Variants in LIM2 observed in about 807,000 individuals in gnomAD.
LIM2 encodes lens intrinsic membrane protein 2.
In LIM2, 14 loss-of-function variants were observed where a neutral mutation model predicts 19.0. The ratio of observed to expected loss-of-function variants is 0.74; its 90% confidence interval spans 0.49 to 1.15. The LOEUF is 1.15. Ranked by LOEUF, LIM2 falls within the 50% of genes most tolerant of loss-of-function variation. The probability of loss-of-function intolerance (pLI) is 0.00; values close to 1 mark genes in which losing one functional copy is unlikely to be tolerated. For synonymous variants in LIM2, 78 were observed against 89.6 expected (o/e 0.87, Z 0.73); for missense variants, 230 against 243.5 (o/e 0.94, Z 0.37).
At position 51,380,070 on chromosome 19, in the gene LIM2, C is replaced by G. The variant is rs79550290; in HGVS notation, c.*131G>C. ...CTAGGACCAGGAGTCAGCCTCCCCC[C>G]ACAAACCCACAGTCCAGAACTGAGC... On this transcript the variant is annotated 3_prime_UTR_variant, in exon 5 of 5. Transcript: ENST00000596399. 5.4e-5 allele frequency: 46 copies of G among 858,556 alleles called. No homozygotes were observed. Among genetic ancestry groups the G allele is most frequent in the Non-Finnish European group, 7.1e-5 (37 of 521,172 alleles). 53.2% of individuals were successfully genotyped at this position (858,556 alleles called of 1,614,324 possible).
At chr19:51,384,640 G>C (rs777525832) in intron 2 of LIM2, among the ~76,000 whole-genome samples, 1 of 152,152 alleles carries the variant, frequency 6.6e-6, no homozygotes, top group African/African-American at 2.4e-5. Context: ...ACAGCCCTCA[G>C]AAGGAACTGA....
Position 51,380,628 on chromosome 19 carries a change from C to A in LIM2, c.337G>T (p.Val113Leu), listed in dbSNP as rs73934370. The A allele has an allele frequency of 6.2e-6, 10 of 1,613,538 alleles. No individual in the cohort carries two copies. The highest frequency in any genetic ancestry group is 1.7e-5 in the Admixed American group (1 of 59,968). Residue 113 changes from valine to leucine, a missense_variant, in exon 4 of 5, where the codon GTG becomes TTG. Val to Leu is a conservative substitution (Grantham distance 32). Transcript: ENST00000596399. ...CCAGTGTAGATGGCCAAGGCCAACA[C>A]GACGAAAAGGGCTGGGGAGAGAGGG... ...IMFFSSTLFV[V>L]LALAIYTGVT...
intron 3 of LIM2, among the ~76,000 whole-genome samples, chr19:51,381,738 T>A (rs1465800221): frequency 6.6e-6 from 1 of 152,174 alleles, no homozygotes; most frequent in African/African-American, 2.4e-5. Flanking sequence ...TGTTGTTGTT[T>A]TTGTTGAGAC....
Position 51,382,462 on chromosome 19 carries a change from C to A in LIM2, c.281G>T (p.Arg94Leu), listed in dbSNP as rs770425768. 1 of 1,613,832 alleles carries A rather than the reference C, an allele frequency of 6.2e-7. No individual in the cohort carries two copies. Among genetic ancestry groups the A allele is most frequent in the Non-Finnish European group, 8.5e-7 (1 of 1,179,962 alleles). ...MAFAHQPTFS[R>L]ISRPFSAGIM... ...GCCAGCAGAGAAGGGCCGGGAGATG[C>A]GGGAGAAGGTAGGCTGATGAGCGAA... The change falls in exon 3 of 5, where the codon CGC (arginine) becomes CTC (leucine). Residue 94 changes from arginine to leucine, a missense_variant. Coordinates refer to ENST00000596399, the MANE Select transcript of LIM2 (RefSeq NM_001161748.2).
intron 2 of LIM2, among the ~76,000 whole-genome samples, chr19:51,383,221 G>C (rs1241103932): frequency 6.6e-6 from 1 of 151,762 alleles, no homozygotes; most frequent in Non-Finnish European, 1.5e-5. Context: ...TTTTAGTAGA[G>C]ACGGCATTTT....
Position 51,387,939 on chromosome 19 carries a change from G to A in LIM2, c.-27C>T, listed in dbSNP as rs113926789. 0.014 allele frequency: 2,726 copies of A among 191,812 alleles called. 84 individuals are homozygous for A. Among genetic ancestry groups the A allele is most frequent in the African/African-American group, 0.059 (2,512 of 42,288 alleles). The allele number at this position is 191,812 out of a possible 1,614,324, so 11.9% of individuals were successfully genotyped here. A position where few individuals can be genotyped will look rare whatever the true frequency, so the allele number is the denominator to read the frequency against. ...CCTACCTGAGTGGCAGAGCCTGCCC[G>A]AGCCCTCCTTCTGCCACGGCCCCTC... On this transcript the variant is annotated 5_prime_UTR_variant, in exon 1 of 5. Transcript: ENST00000596399.
Position 51,387,574 on chromosome 19 carries a change from C to T in LIM2, c.-6-125G>A, listed in dbSNP as rs972997003. ...TGGGAGAAGGAGATGGAGACCTAGA[C>T]GCCTGGGTCCTGGGCGAGGAGGGGA... On this transcript the variant is annotated intron_variant, in intron 1 of 4. Transcript: ENST00000596399. 3.6e-5 allele frequency: 50 copies of T among 1,384,518 alleles called. No homozygotes were observed. The African/African-American group carries it at 3.8e-4, about 11-fold the overall frequency. 85.8% of individuals were successfully genotyped at this position (1,384,518 alleles called of 1,614,324 possible).
intron 2 of LIM2, among the ~76,000 whole-genome samples, 163 bp from the exon 3 acceptor site, chr19:51,382,730 A>T (rs1986931234): frequency 6.6e-6 from 1 of 151,846 alleles, no homozygotes; most frequent in South Asian, 2.1e-4. Context: ...ACTCCTACTC[A>T]TCCTCCAAAG....
rs189689588 is a variant in LIM2, at chr19:51,385,393, C to T, written c.175+1876G>A. On this transcript the variant is annotated intron_variant, in intron 2 of 4. Transcript: ENST00000596399. ...AAAATTAGCCAGGCATGGTTTTGGGCGCCTGTAATCCCAGCTACTCGGGAG... is the reference window on the plus strand; with the variant it reads ...AAAATTAGCCAGGCATGGTTTTGGGTGCCTGTAATCCCAGCTACTCGGGAG... 8.6e-5 allele frequency among the ~76,000 whole-genome samples: 13 copies of T among 152,042 alleles called. No homozygotes were observed. The East Asian group carries it at 1.4e-3, about 16-fold the overall frequency.
Position 51,380,631 on chromosome 19 carries a change from C to CG in LIM2, c.333dup (p.Val112ArgfsTer54). The CG allele has an allele frequency of 1.9e-6, 3 of 1,613,830 alleles. No homozygotes were observed. The highest frequency in any genetic ancestry group is 2.5e-6 in the Non-Finnish European group (3 of 1,179,990). On this transcript the variant is annotated frameshift_variant, in exon 4 of 5. Coordinates refer to ENST00000596399, the MANE Select transcript of LIM2 (RefSeq NM_001161748.2). LOFTEE classifies it high-confidence loss of function. ...GTGTAGATGGCCAAGGCCAACACGA[C>CG]GAAAAGGGCTGGGGAGAGAGGGCGG...
Position 51,380,553 on chromosome 19 carries a change from A to C in LIM2, c.412T>G (p.Trp138Gly). The change falls in exon 4 of 5, where the codon TGG (tryptophan) becomes GGG (glycine). Residue 138 changes from tryptophan (W) to glycine (G), a missense_variant. Physicochemically the swap from Trp to Gly is radical, Grantham distance 184 (BLOSUM62 -2). Coordinates refer to ENST00000596399, the MANE Select transcript of LIM2 (RefSeq NM_001161748.2). ...GCCACCCAGCCCAGGATGTAGGACCAGGAAAAGCGCCAGTCCCCAAAGCGG... is the reference window on the plus strand; with the variant it reads ...GCCACCCAGCCCAGGATGTAGGACCCGGAAAAGCGCCAGTCCCCAAAGCGG... ...GRRFGDWRFS[W>G]SYILGWVAVL... 2 of 1,614,200 alleles carry C rather than the reference A, an allele frequency of 1.2e-6. No homozygotes were observed. The highest frequency in any genetic ancestry group is 1.3e-5 in the African/African-American group (1 of 75,060).
chr19:51,381,979 C>T (rs370604973), intron 3 of LIM2, among the ~76,000 whole-genome samples: 2 of 152,192 alleles, frequency 1.3e-5, no homozygotes, highest in Non-Finnish European at 2.9e-5. Context: ...CCACCTGCCT[C>T]GGCCTCCCAA....
chr19:51,380,749 GA>G lies in LIM2; in HGVS notation c.326-111del. On this transcript the variant is annotated intron_variant, in intron 3 of 4. Coordinates refer to ENST00000596399, the MANE Select transcript of LIM2 (RefSeq NM_001161748.2). ...GGAACTAAGATTGGGGAAAGGGGTG[GA>G]AATGGGTTGGGGGTGGGGATAGGAG... The G allele has an allele frequency of 3.1e-6, 3 of 964,822 alleles. No individual in the cohort carries two copies. The South Asian group carries it at 4.1e-5, about 13-fold the overall frequency. 59.8% of individuals were successfully genotyped at this position (964,822 alleles called of 1,614,324 possible).
At chr19:51,386,625 T>C (rs1201606916) in intron 2 of LIM2, among the ~76,000 whole-genome samples, 1 of 148,710 alleles carries the variant, frequency 6.7e-6, no homozygotes, top group Non-Finnish European at 1.5e-5. Flanking sequence ...ACTTATATAA[T>C]ATGTAGCATA....
intron 2 of LIM2, among the ~76,000 whole-genome samples, chr19:51,386,864 T>C (rs1333179253): frequency 6.6e-6 from 1 of 152,146 alleles, no homozygotes; most frequent in Non-Finnish European, 1.5e-5. Flanking sequence ...TCTCTCTATC[T>C]ATGGCCTGGC....
chr19:51,383,182 G>A (rs544673448), intron 2 of LIM2, among the ~76,000 whole-genome samples: 74 of 151,374 alleles, frequency 4.9e-4, no homozygotes, highest in Non-Finnish European at 4.0e-4. Flanking sequence ...CTACAGGTGC[G>A]CACCACCATG....
intron 3 of LIM2, 152 bp from the exon 4 acceptor site, chr19:51,380,791 A>T: frequency 1.2e-6 from 1 of 839,590 alleles, no homozygotes; most frequent in Non-Finnish European, 1.9e-6. Flanking sequence ...ATAGGGGTTG[A>T]GTTGAAATTA....
rs761418451 is a variant in LIM2, at chr19:51,387,430, A to G, written c.14T>C (p.Met5Thr). Residue 5 changes from methionine (M) to threonine (T), a missense_variant, in exon 2 of 5, where the codon ATG becomes ACG. Physicochemically the swap from Met to Thr is moderately conservative, Grantham distance 81. Coordinates refer to ENST00000596399, the MANE Select transcript of LIM2 (RefSeq NM_001161748.2). MYSF[M>T]GGGLFCAWVG... ...CCAGGCACAGAACAGGCCACCACCC[A>G]TGAAGCTGTACATGGTGATCTGTGG... 2 of 1,613,830 alleles carry G rather than the reference A, an allele frequency of 1.2e-6. No homozygotes were observed. The highest frequency in any genetic ancestry group is 8.5e-7 in the Non-Finnish European group (1 of 1,179,938).
At chr19:51,384,561 G>T (rs1986981500) in intron 2 of LIM2, among the ~76,000 whole-genome samples, 1 of 152,202 alleles carries the variant, frequency 6.6e-6, no homozygotes, top group Non-Finnish European at 1.5e-5. Flanking sequence ...TCCAAACCAA[G>T]AAACACCAAA....
Sources: allele counts gnomAD v4.1 joint callset (sites outside exome capture counted in the v4.1 genomes callset), GRCh38; gene constraint gnomAD v4.1.1; transcripts MANE v1.5; gene names NCBI Gene and HGNC (gene_info 2026-07-23, HGNC 2026-07-21).